Variants in STAP1 observed in about 807,000 individuals in gnomAD.
STAP1 encodes the protein signal-transducing adaptor protein 1.
A neutral mutation model predicts 37.8 loss-of-function variants in STAP1; 30 were observed. That is an observed-to-expected ratio of 0.79 (90% CI 0.59 to 1.08). The LOEUF (loss-of-function observed/expected upper bound fraction) is 1.08. Ranked by LOEUF, STAP1 falls within the 50% of genes least tolerant of loss-of-function variation. STAP1 has a pLI of 0.00. For missense variants in STAP1, 357 were observed against 349.4 expected, an observed-to-expected ratio of 1.02 and a Z score of -0.17; for synonymous variants, 130 against 116.0, an observed-to-expected ratio of 1.12 and a Z score of -0.78.
chr4:67,583,007 G>A (rs943265526), intron 5 of STAP1, among the ~76,000 whole-genome samples: 7 of 152,044 alleles, frequency 4.6e-5, no homozygotes, highest in Non-Finnish European at 7.4e-5. Context: ...TGGGTTTATC[G>A]GGATATAATC....
intron 4 of STAP1, 138 bp from the exon 5 acceptor site, chr4:67,581,167 T>C: frequency 3.9e-6 from 3 of 768,136 alleles, no homozygotes; most frequent in Non-Finnish European, 5.9e-6. Flanking sequence ...AATCCTCTGT[T>C]TCTTATTCCC....
rs189406861 is a variant in STAP1, at chr4:67,603,600, T to C, written c.827-2696T>C. Among the ~76,000 whole-genome samples the C allele has an allele frequency of 1.7e-3, 266 of 152,172 alleles. 1 individual carries two copies. The highest frequency in any genetic ancestry group is 6.3e-3 in the African/African-American group (260 of 41,506). ...CATGCTTTAGTCAGTAGGTGATGAATACTGCCAGGACTGAGTCCTTCCCTT... is the reference window on the plus strand; with the variant it reads ...CATGCTTTAGTCAGTAGGTGATGAACACTGCCAGGACTGAGTCCTTCCCTT... On this transcript the variant is annotated intron_variant, in intron 8 of 8. Coordinates refer to ENST00000265404, the MANE Select transcript of STAP1 (RefSeq NM_012108.4).
intron 8 of STAP1, among the ~76,000 whole-genome samples, chr4:67,595,513 C>T (rs556969587): frequency 3.0e-4 from 45 of 151,830 alleles, no homozygotes; most frequent in African/African-American, 1.0e-3. Context: ...TGTGAAAGGG[C>T]AAGAGTGAGA....
chr4:67,593,047 C>T (rs1728153437), intron 7 of STAP1, among the ~76,000 whole-genome samples: 1 of 152,102 alleles, frequency 6.6e-6, no homozygotes, highest in African/African-American at 2.4e-5. Context: ...AGATTGTATT[C>T]AATGGGAAAG....
chr4:67,580,842 T>C (rs745778415), intron 4 of STAP1, among the ~76,000 whole-genome samples: 12 of 152,266 alleles, frequency 7.9e-5, no homozygotes, highest in African/African-American at 2.9e-4. Context: ...CTCTGACTGC[T>C]GCTCTTCAGT....
chr4:67,580,970 G>A lies in STAP1; in HGVS notation c.364-335G>A, dbSNP rs149289234. Among the ~76,000 whole-genome samples the A allele has an allele frequency of 4.0e-3, 610 of 152,288 alleles. 5 individuals are homozygous for A. Among genetic ancestry groups the A allele is most frequent in the Middle Eastern group, 0.024 (7 of 294 alleles). On this transcript the variant is annotated intron_variant, in intron 4 of 8. Transcript: ENST00000265404. ...GGTGTTCTGGAAAATCCCTGGCATT[G>A]ATGAACTAGTGAGCTCAGAATGAAA...
intron 5 of STAP1, among the ~76,000 whole-genome samples, chr4:67,582,497 A>C (rs951743270): frequency 3.3e-5 from 5 of 151,914 alleles, no homozygotes; most frequent in Non-Finnish European, 7.4e-5. Context: ...TTGTAGAGAC[A>C]GGGTTTTGCC....
chr4:67,592,912 G>A (rs1728150598), intron 7 of STAP1, among the ~76,000 whole-genome samples: 1 of 152,102 alleles, frequency 6.6e-6, no homozygotes, highest in Non-Finnish European at 1.5e-5. Context: ...TGAAACTCCT[G>A]GTCTCAAATG....
intron 8 of STAP1, among the ~76,000 whole-genome samples, chr4:67,597,238 A>C (rs996916482): frequency 1.3e-5 from 2 of 152,234 alleles, no homozygotes; most frequent in African/African-American, 4.8e-5. Flanking sequence ...AGAAGCCCCA[A>C]GCCTTGATGG....
At chr4:67,599,577 A>T (rs1280608376) in intron 8 of STAP1, among the ~76,000 whole-genome samples, 3 of 151,546 alleles carry the variant, frequency 2.0e-5, no homozygotes, top group Non-Finnish European at 4.4e-5. Context: ...CTCTGATAGT[A>T]TATATTTGAG....
chr4:67,568,554 G>A (rs1469600267), intron 1 of STAP1, among the ~76,000 whole-genome samples: 1 of 152,116 alleles, frequency 6.6e-6, no homozygotes, highest in Non-Finnish European at 1.5e-5. Flanking sequence ...TGAAATGGGA[G>A]TTTAACTAGG....
At chr4:67,587,636 C>A (rs36131030) in intron 6 of STAP1, among the ~76,000 whole-genome samples, 69,473 of 151,724 alleles carry the variant, frequency 0.46, 17,250 homozygotes, top group Non-Finnish European at 0.58. Flanking sequence ...TTTACCCAAA[C>A]TTTATTTCTT....
At chr4:67,574,542 T>C (rs1003578492) in intron 2 of STAP1, among the ~76,000 whole-genome samples, 1 of 152,196 alleles carries the variant, frequency 6.6e-6, no homozygotes, top group Non-Finnish European at 1.5e-5. Flanking sequence ...TCAATTTTTG[T>C]TCTATTTAGA....
chr4:67,596,995 T>C (rs564138700), intron 8 of STAP1, among the ~76,000 whole-genome samples: 35 of 152,348 alleles, frequency 2.3e-4, no homozygotes, highest in African/African-American at 8.2e-4. Flanking sequence ...AAGCCAAATG[T>C]TAATCACCAA....
intron 2 of STAP1, 101 bp downstream of exon 2, chr4:67,571,256 C>A (rs1360368342): frequency 5.2e-6 from 4 of 771,250 alleles, no homozygotes; most frequent in Non-Finnish European, 8.4e-6. Context: ...AATAAAGATG[C>A]TCTGGTAAAA....
chr4:67,582,555 G>A (rs114649093), intron 5 of STAP1, among the ~76,000 whole-genome samples: 2,026 of 151,826 alleles, frequency 0.013, 28 homozygotes, highest in Middle Eastern at 0.024. Context: ...TGATCCACCC[G>A]CCTTGGCCTA....
In STAP1 at chr4:67,558,851, C is replaced by A. The variant is rs1158095243; in HGVS notation, c.42C>A (p.Ile14=). 1.2e-6 allele frequency: 2 copies of A among 1,613,494 alleles called. No homozygotes were observed. Among genetic ancestry groups the A allele is most frequent in the African/African-American group, 2.7e-5 (2 of 74,886 alleles). ...KKPPKPAPRR[I]FQERLKITAL... Reference sequence around the variant, plus strand: ...CCCCAAAACCAGCCCCTCGCAGGATCTTCCAGGAAAGGTTAAAGATTACTG... The same window carrying A: ...CCCCAAAACCAGCCCCTCGCAGGATATTCCAGGAAAGGTTAAAGATTACTG... The change falls in exon 1 of 9, where the codon ATC becomes ATA. Residue 14 remains isoleucine (I), a synonymous_variant. Coordinates refer to ENST00000265404, the MANE Select transcript of STAP1 (RefSeq NM_012108.4).
chr4:67,577,863 G>T (rs1727761356), intron 4 of STAP1, among the ~76,000 whole-genome samples: 1 of 151,858 alleles, frequency 6.6e-6, no homozygotes, highest in South Asian at 2.1e-4. Context: ...TGGCCAGGCT[G>T]GTTTGGAACT....
chr4:67,581,367 A>T lies in STAP1; in HGVS notation c.426A>T (p.Leu142=). ...PGQVIKLHEV[L]EREKKRRIET... ...AAGTAATTAAACTGCATGAAGTCCTAGAGAGAGAAAAGAAAAGGAGGATTG... is the reference window on the plus strand; with the variant it reads ...AAGTAATTAAACTGCATGAAGTCCTTGAGAGAGAAAAGAAAAGGAGGATTG... Residue 142 remains leucine, a synonymous_variant, in exon 5 of 9, where the codon CTA becomes CTT. Coordinates refer to ENST00000265404, the MANE Select transcript of STAP1 (RefSeq NM_012108.4). 6.2e-7 allele frequency: 1 copy of T among 1,614,164 alleles called. No individual in the cohort carries two copies. The highest frequency in any genetic ancestry group is 8.5e-7 in the Non-Finnish European group (1 of 1,179,998).
Sources: gnomAD v4.1 joint callset for allele counts (sites outside exome capture counted in the v4.1 genomes callset) on GRCh38, gnomAD v4.1.1 for gene constraint, MANE v1.5 for transcripts, NCBI Gene and HGNC (gene_info 2026-07-23, HGNC 2026-07-21) for gene names.